The following TTC38 variants were observed in gnomAD, a reference collection of about 807,000 sequenced individuals.
TTC38 encodes the protein tetratricopeptide repeat protein 38.
TTC38 carries 64 observed loss-of-function variants against 64.2 expected under a neutral mutation model. That is an observed-to-expected ratio of 1.00 (90% CI 0.81 to 1.23). The LOEUF (loss-of-function observed/expected upper bound fraction) is 1.23. TTC38 is among the 50% of genes most tolerant of loss of function. The pLI is 0.00. For synonymous variants in TTC38, 254 were observed against 249.3 expected (o/e 1.02, Z -0.18); for missense variants, 573 against 615.5 (o/e 0.93, Z 0.73).
Position 46,292,898 on chromosome 22 carries a change from C to A in TTC38, c.*14C>A. On this transcript the variant is annotated 3_prime_UTR_variant, in exon 14 of 14. Coordinates refer to ENST00000381031, the MANE Select transcript of TTC38 (RefSeq NM_017931.4). This position sits in a 1 kb window ranked among gnomAD's most constrained non-coding sequence, Gnocchi z 6.5. ...CTCATGCAGTGAGCCAGCCTGGCCGCCTCCACCCTGCAGAACCTCAGTGGT... is the reference window on the plus strand; with the variant it reads ...CTCATGCAGTGAGCCAGCCTGGCCGACTCCACCCTGCAGAACCTCAGTGGT... 1 of 1,605,764 alleles carries A rather than the reference C, an allele frequency of 6.2e-7. No individual in the cohort carries two copies. Among genetic ancestry groups the A allele is most frequent in the Non-Finnish European group, 8.5e-7 (1 of 1,173,052 alleles).
rs1447038624 is a variant in TTC38, at chr22:46,281,033, G to A, written c.616-566G>A. On this transcript the variant is annotated intron_variant, in intron 6 of 13. Transcript: ENST00000381031. This position sits in a 1 kb window ranked among gnomAD's most constrained non-coding sequence, Gnocchi z 5.2. ...TCGCTGTCAAGCTCACAGGTCATGG[G>A]AGCGGCTGTTGTCATGAACTGTGAT... is the stretch of plus-strand genomic sequence containing the variant. Among the ~76,000 whole-genome samples the A allele has an allele frequency of 3.3e-5, 5 of 152,244 alleles. No homozygotes were observed. The highest frequency in any genetic ancestry group is 1.2e-4 in the African/African-American group (5 of 41,466).
intron 11 of TTC38, among the ~76,000 whole-genome samples, chr22:46,289,030 C>T (rs2077592342): frequency 6.6e-6 from 1 of 152,228 alleles, no homozygotes; most frequent in South Asian, 2.1e-4. Flanking sequence ...ACCTGGAGGA[C>T]CTGGGCTGCC....
chr22:46,285,416 C>G (rs2077564443), intron 9 of TTC38, 137 bp downstream of exon 9: 1 of 848,164 alleles, frequency 1.2e-6, no homozygotes, highest in South Asian at 1.4e-5. Context: ...TTGTGTAAGG[C>G]CTCATGGGGT....
chr22:46,272,197 G>A lies in TTC38; in HGVS notation c.112-138G>A. The A allele has an allele frequency of 1.6e-6, 1 of 616,080 alleles. No individual in the cohort carries two copies. Among genetic ancestry groups the A allele is most frequent in the Non-Finnish European group, 2.9e-6 (1 of 340,812 alleles). 38.2% of individuals were successfully genotyped at this position (616,080 alleles called of 1,614,324 possible). On this transcript the variant is annotated intron_variant, in intron 2 of 13. Coordinates refer to ENST00000381031, the MANE Select transcript of TTC38 (RefSeq NM_017931.4). This position sits in a 1 kb window ranked among gnomAD's most constrained non-coding sequence, Gnocchi z 6.4. The stretch of plus-strand genomic sequence containing the variant: ...GTAGAGATGGGGTTTTACCGTGTTG[G>A]TCAGGCTGGTCTCGAACTCCTGACC...
Position 46,273,919 on chromosome 22 carries a change from C to T in TTC38, c.215C>T (p.Thr72Ile). The T allele has an allele frequency of 1.2e-6, 2 of 1,614,256 alleles. No individual in the cohort carries two copies. Among genetic ancestry groups the T allele is most frequent in the Non-Finnish European group, 1.7e-6 (2 of 1,180,042 alleles). ...CCAGTGATGGGCCACGCCATGGCTA[C>T]TGGCCTTGTGCTGATTGGCACTGGA... ...PTFVMGHAMA[T>I]GLVLIGTGSS... is the part of the protein sequence containing the mutation. The change falls in exon 4 of 14, where the codon ACT becomes ATT. Residue 72 changes from threonine to isoleucine, a missense_variant. Thr to Ile is a moderately conservative substitution (Grantham distance 89, BLOSUM62 -1). Transcript: ENST00000381031. The surrounding 1 kb of genome is among the most constrained non-coding windows in gnomAD (Gnocchi z 5.1).
chr22:46,289,497 G>A lies in TTC38; in HGVS notation c.1178G>A (p.Arg393His), dbSNP rs762858496. Reference sequence around the variant, plus strand: ...GAGGCTGAGGACGGGAACCCTGACCGCGTCCTGGAGCTGCTCCTGCCCATC... The same window carrying A: ...GAGGCTGAGGACGGGAACCCTGACCACGTCCTGGAGCTGCTCCTGCCCATC... ...LVEAEDGNPDRVLELLLPIRY... is the reference protein window; with the variant it reads ...LVEAEDGNPDHVLELLLPIRY... Residue 393 changes from arginine (R) to histidine (H), a missense_variant, in exon 12 of 14, where the codon CGC (arginine) becomes CAC (histidine). By Grantham distance (29) the Arg-to-His change is conservative. Coordinates refer to ENST00000381031, the MANE Select transcript of TTC38 (RefSeq NM_017931.4). 32 of 1,608,092 alleles carry A rather than the reference G, an allele frequency of 2.0e-5. No homozygotes were observed. In the South Asian group the frequency reaches 2.5e-4, roughly 13 times the overall value.
In TTC38 at chr22:46,277,046, TACACACAC is replaced by T. The variant is rs4044315; in HGVS notation, c.540-1508_540-1501del. Among the ~76,000 whole-genome samples the T allele has an allele frequency of 2.0e-3, 258 of 131,318 alleles. 1 individual carries two copies. In the East Asian group the frequency reaches 0.033, roughly 17 times the overall value. 86.1% of individuals were successfully genotyped at this position (131,318 alleles called of 152,430 possible). A position where few individuals can be genotyped will look rare whatever the true frequency, so the allele number is the denominator to read the frequency against. On this transcript the variant is annotated intron_variant, in intron 5 of 13. Transcript: ENST00000381031. Reference sequence around the variant, plus strand: ...CCAGTAAACAATACATATATATACATACACACACACACACACACACACACACACACACA... The same window carrying T: ...CCAGTAAACAATACATATATATACATACACACACACACACACACACACACA...
intron 9 of TTC38, among the ~76,000 whole-genome samples, chr22:46,286,593 G>A (rs938497374): frequency 3.3e-5 from 5 of 151,926 alleles, no homozygotes; most frequent in Non-Finnish European, 7.4e-5. Flanking sequence ...CCCAGGAGGC[G>A]GAGGTTGCAG....
At chr22:46,283,570 G>A (rs1196049170) in intron 7 of TTC38, among the ~76,000 whole-genome samples, 3 of 152,122 alleles carry the variant, frequency 2.0e-5, no homozygotes. Flanking sequence ...TGGTTTCTGT[G>A]GCTAGGCGCG....
intron 8 of TTC38, among the ~76,000 whole-genome samples, chr22:46,284,760 T>G (rs2077559024): frequency 6.7e-6 from 1 of 148,938 alleles, no homozygotes; most frequent in African/African-American, 2.5e-5. Flanking sequence ...CTCCCTGTAG[T>G]CCTGAGCCTG....
chr22:46,288,618 G>T lies in TTC38; in HGVS notation c.1082+30G>T, dbSNP rs2077589032. Reference sequence around the variant, plus strand: ...GCAGAGGGGCCTTCTCGGGGTGGGGGTCCTCACCCTGCCGAGAGGGTGAGG... The same window carrying T: ...GCAGAGGGGCCTTCTCGGGGTGGGGTTCCTCACCCTGCCGAGAGGGTGAGG... On this transcript the variant is annotated intron_variant, in intron 11 of 13. Transcript: ENST00000381031. The T allele has an allele frequency of 6.2e-6, 10 of 1,606,954 alleles. 1 individual carries two copies. Among genetic ancestry groups the T allele is most frequent in the East Asian group, 4.5e-5 (2 of 44,842 alleles).
intron 13 of TTC38, among the ~76,000 whole-genome samples, chr22:46,290,859 G>A (rs1490261431): frequency 1.3e-5 from 2 of 152,208 alleles, no homozygotes; most frequent in African/African-American, 4.8e-5. Context: ...GTGCCTGAGC[G>A]GCGAGTTTGA....
intron 1 of TTC38, among the ~76,000 whole-genome samples, 186 bp from the exon 2 acceptor site, chr22:46,268,328 A>G (rs1437424324): frequency 6.6e-6 from 1 of 152,214 alleles, no homozygotes; most frequent in African/African-American, 2.4e-5. Flanking sequence ...CTCACTGGGC[A>G]TGGCTGGGGA....
Position 46,293,290 on chromosome 22 carries a change from C to T in TTC38, c.*406C>T. Reference sequence around the variant, plus strand: ...GCCTGTCCCCGTCCCCACCAGGCTGCCCTTGGGATGGACCTTTTCATTCTT... The same window carrying T: ...GCCTGTCCCCGTCCCCACCAGGCTGTCCTTGGGATGGACCTTTTCATTCTT... On this transcript the variant is annotated 3_prime_UTR_variant, in exon 14 of 14. Coordinates refer to ENST00000381031, the MANE Select transcript of TTC38 (RefSeq NM_017931.4). This position sits in a 1 kb window ranked among gnomAD's most constrained non-coding sequence, Gnocchi z 6.6. 1 of 206,030 alleles carries T rather than the reference C, an allele frequency of 4.9e-6. No homozygotes were observed. The highest frequency in any genetic ancestry group is 9.9e-5 in the South Asian group (1 of 10,110). The allele number at this position is 206,030 out of a possible 1,614,324, so 12.8% of individuals were successfully genotyped here.
chr22:46,280,007 G>A (rs756303562), intron 6 of TTC38: 1 of 408,598 alleles, frequency 2.4e-6, no homozygotes, highest in Non-Finnish European at 5.1e-6. Flanking sequence ...GCAAGAAGTG[G>A]TGGATAGGGT....
Position 46,289,397 on chromosome 22 carries a change from C to A in TTC38, c.1083-5C>A. The A allele has an allele frequency of 6.2e-7, 1 of 1,607,080 alleles. No homozygotes were observed. The highest frequency in any genetic ancestry group is 1.1e-5 in the South Asian group (1 of 90,918). On this transcript the variant is annotated splice_polypyrimidine_tract_variant and splice_region_variant and intron_variant, in intron 11 of 13. Transcript: ENST00000381031. The stretch of plus-strand genomic sequence containing the variant: ...GCAGCTGAGGGCACCGTCTTGGGTT[C>A]GCAGATCCCCAGGGGAGAACTGCCA...
rs1417019179 is a variant in TTC38, at chr22:46,270,895, A to C, written c.112-1440A>C. 2.0e-5 allele frequency among the ~76,000 whole-genome samples: 3 copies of C among 151,364 alleles called. No homozygotes were observed. Among genetic ancestry groups the C allele is most frequent in the Non-Finnish European group, 4.4e-5 (3 of 67,860 alleles). On this transcript the variant is annotated intron_variant, in intron 2 of 13. Coordinates refer to ENST00000381031, the MANE Select transcript of TTC38 (RefSeq NM_017931.4). The surrounding 1 kb of genome is among the most constrained non-coding windows in gnomAD (Gnocchi z 4.7). ...TGCACACCTGTAATCCCAGCTACTAAGGAGGGATTCTCCTACCAAGGCAGG... is the reference window on the plus strand; with the variant it reads ...TGCACACCTGTAATCCCAGCTACTACGGAGGGATTCTCCTACCAAGGCAGG...
chr22:46,272,914 C>T lies in TTC38; in HGVS notation c.193+498C>T, dbSNP rs565298402. Among the ~76,000 whole-genome samples, 4 of 152,148 alleles carry T rather than the reference C, an allele frequency of 2.6e-5. No individual in the cohort carries two copies. Among genetic ancestry groups the T allele is most frequent in the South Asian group, 2.1e-4 (1 of 4,826 alleles). ...GCATCCAGGCAAGCCATGTGTACAG[C>T]GGGCATGGGGAAGCCAGCACAGTGC... On this transcript the variant is annotated intron_variant, in intron 3 of 13. Coordinates refer to ENST00000381031, the MANE Select transcript of TTC38 (RefSeq NM_017931.4). This position sits in a 1 kb window ranked among gnomAD's most constrained non-coding sequence, Gnocchi z 6.4.
intron 2 of TTC38, chr22:46,268,982 C>T (rs1012503176): frequency 4.9e-5 from 17 of 343,678 alleles, no homozygotes; most frequent in Non-Finnish European, 8.2e-5. Flanking sequence ...CCACCGCGCC[C>T]GGCCATGGGG....
Sources: allele counts gnomAD v4.1 joint callset (sites outside exome capture counted in the v4.1 genomes callset), GRCh38; gene constraint gnomAD v4.1.1; non-coding constraint Gnocchi (gnomAD v3.1); transcripts MANE v1.5; gene names NCBI Gene and HGNC (gene_info 2026-07-23, HGNC 2026-07-21).